The following CAMTA1 variants were observed in gnomAD, a reference collection of about 807,000 sequenced individuals.
The protein encoded by CAMTA1 is calmodulin-binding transcription activator 1.
A neutral mutation model predicts 170.9 loss-of-function variants in CAMTA1; 27 were observed. The observed-to-expected ratio is 0.16, with a 90% CI of 0.12 to 0.22. CAMTA1 has a LOEUF of 0.22. Among genes scored for constraint, CAMTA1 ranks in the 10% least tolerant of loss-of-function variants. The pLI, the probability that CAMTA1 is intolerant of heterozygous loss-of-function variation, is 1.00. For missense variants in CAMTA1, 1,619 were observed against 2,217.2 expected, an observed-to-expected ratio of 0.73 and a Z score of 5.42; for synonymous variants, 833 against 891.5, an observed-to-expected ratio of 0.93 and a Z score of 1.17.
At chr1:7,054,793 G>A (rs1477025838) in intron 3 of CAMTA1, among the ~76,000 whole-genome samples, 2 of 152,150 alleles carry the variant, frequency 1.3e-5, no homozygotes, top group Non-Finnish European at 2.9e-5. Context: ...GTCCACTCTC[G>A]CACTGCTTTA....
chr1:7,714,678 C>T (rs2096596051), intron 11 of CAMTA1, among the ~76,000 whole-genome samples: 1 of 152,114 alleles, frequency 6.6e-6, no homozygotes, highest in Non-Finnish European at 1.5e-5. Flanking sequence ...CGTGTCACCA[C>T]ACCTGGCTAA....
chr1:7,145,381 A>G (rs1646122896), intron 4 of CAMTA1, among the ~76,000 whole-genome samples: 1 of 152,254 alleles, frequency 6.6e-6, no homozygotes, highest in Non-Finnish European at 1.5e-5. Context: ...GTTTAATTCA[A>G]TGTGAGGTTC....
chr1:7,060,821 T>A (rs1308356412), intron 3 of CAMTA1, among the ~76,000 whole-genome samples: 1 of 152,332 alleles, frequency 6.6e-6, no homozygotes, highest in East Asian at 1.9e-4. Flanking sequence ...GGGTTCCAAT[T>A]TCCCAGGAGC....
At chr1:7,003,303 A>C (rs1698513032) in intron 3 of CAMTA1, among the ~76,000 whole-genome samples, 1 of 152,258 alleles carries the variant, frequency 6.6e-6, no homozygotes, top group Non-Finnish European at 1.5e-5. Flanking sequence ...GTGTGCCTTC[A>C]GAATAACATA....
intron 6 of CAMTA1, among the ~76,000 whole-genome samples, chr1:7,478,374 C>T (rs2093457490): frequency 6.6e-6 from 1 of 152,214 alleles, no homozygotes; most frequent in South Asian, 2.1e-4. Context: ...CACTTGTCTC[C>T]TGTGTGCCAC....
At chr1:6,822,706 G>T (rs1411233758) in intron 2 of CAMTA1, among the ~76,000 whole-genome samples, 1 of 151,970 alleles carries the variant, frequency 6.6e-6, no homozygotes, top group African/African-American at 2.4e-5. Flanking sequence ...ATTTACCACT[G>T]CCTGATTTGG....
intron 1 of CAMTA1, among the ~76,000 whole-genome samples, chr1:6,812,162 A>G (rs949581125): frequency 1.3e-5 from 2 of 152,138 alleles, no homozygotes; most frequent in African/African-American, 2.4e-5. Flanking sequence ...GCATTTTTGC[A>G]TTGCTGCTTT....
chr1:7,040,462 C>G (rs1704267701), intron 3 of CAMTA1, among the ~76,000 whole-genome samples: 1 of 152,104 alleles, frequency 6.6e-6, no homozygotes, highest in African/African-American at 2.4e-5. Flanking sequence ...CTTAAATGTG[C>G]TTAGACAATG....
At chr1:7,098,574 G>A (rs1380772780) in intron 4 of CAMTA1, among the ~76,000 whole-genome samples, 1 of 152,230 alleles carries the variant, frequency 6.6e-6, no homozygotes, top group African/African-American at 2.4e-5. Context: ...GTCTGGCGGT[G>A]TCTCGACAGT....
At chr1:7,369,031 T>G (rs845222) in intron 5 of CAMTA1, 96,453 of 152,126 alleles carry the variant, frequency 0.63, 32,275 homozygotes, top group Middle Eastern at 0.76. Context: ...AGGGGAGAGT[T>G]TGGAGGCCGG....
Position 6,918,900 on chromosome 1 carries a change from A to G in CAMTA1, c.234+93690A>G, listed in dbSNP as rs1681398296. Among the ~76,000 whole-genome samples, 1 of 152,188 alleles carries G rather than the reference A, an allele frequency of 6.6e-6. No homozygotes were observed. The highest frequency in any genetic ancestry group is 1.5e-5 in the Non-Finnish European group (1 of 68,044). ...TAGCCGCTCTCATGGCCTCAAATTC[A>G]AGGGTGTGGCCGCTCCAAAGGCACC... is the stretch of plus-strand genomic sequence containing the variant. On this transcript the variant is annotated intron_variant, in intron 3 of 22. Transcript: ENST00000303635. This position sits in a 1 kb window ranked among gnomAD's most constrained non-coding sequence, Gnocchi z 4.0.
intron 6 of CAMTA1, among the ~76,000 whole-genome samples, chr1:7,499,204 T>G (rs146633650): frequency 3.9e-4 from 36 of 91,654 alleles, no homozygotes; most frequent in African/African-American, 6.2e-4. Flanking sequence ...GATGGTGTGA[T>G]CCTGGTGTGC....
In CAMTA1 at chr1:7,097,607, A is replaced by G. The variant is rs190128270; in HGVS notation, c.302+6236A>G. ...AGAGGACTTTTCTAAGGAAGCCCCT[A>G]TTCCTGGTAAGGCTGCTCGAGTGAC... On this transcript the variant is annotated intron_variant, in intron 4 of 22. Transcript: ENST00000303635. 2.0e-5 allele frequency among the ~76,000 whole-genome samples: 3 copies of G among 152,356 alleles called. No individual in the cohort carries two copies. In the East Asian group the frequency reaches 5.8e-4, roughly 29 times the overall value.
chr1:7,732,622 A>G lies in CAMTA1; in HGVS notation c.3066+23A>G. 1 of 1,562,698 alleles carries G rather than the reference A, an allele frequency of 6.4e-7. No homozygotes were observed. Among genetic ancestry groups the G allele is most frequent in the Non-Finnish European group, 8.7e-7 (1 of 1,153,996 alleles). ...CAGGTACGAGGCGGTGCTGATGCTC[A>G]GCTCCCATTTCGCTTCATGTTTATG... On this transcript the variant is annotated intron_variant, in intron 12 of 22. Transcript: ENST00000303635. The surrounding 1 kb of genome is among the most constrained non-coding windows in gnomAD (Gnocchi z 4.1).
chr1:7,637,117 G>A (rs947898245), intron 6 of CAMTA1, among the ~76,000 whole-genome samples: 2 of 152,238 alleles, frequency 1.3e-5, no homozygotes, highest in African/African-American at 4.8e-5. Context: ...TCTCATGCAG[G>A]AACTCCACGG....
chr1:7,505,281 C>T (rs2094084540), intron 6 of CAMTA1, among the ~76,000 whole-genome samples: 1 of 152,250 alleles, frequency 6.6e-6, no homozygotes, highest in Non-Finnish European at 1.5e-5. Flanking sequence ...CACCACATCC[C>T]CGGCAGCCAA....
At chr1:6,958,742 A>G (rs1312509190) in intron 3 of CAMTA1, among the ~76,000 whole-genome samples, 2 of 152,180 alleles carry the variant, frequency 1.3e-5, no homozygotes, top group Non-Finnish European at 2.9e-5. Context: ...CAGGGTGGCC[A>G]CATACAGTAT....
chr1:7,714,469 C>T (rs1378153088), intron 11 of CAMTA1, among the ~76,000 whole-genome samples: 1 of 152,144 alleles, frequency 6.6e-6, no homozygotes, highest in Non-Finnish European at 1.5e-5. Flanking sequence ...TAAACAGTCA[C>T]TTGAAACCTA....
At chr1:6,929,629 C>T (rs1048198789) in intron 3 of CAMTA1, among the ~76,000 whole-genome samples, 2 of 151,932 alleles carry the variant, frequency 1.3e-5, no homozygotes, top group African/African-American at 2.4e-5. Flanking sequence ...TCCCAAAGTG[C>T]TGGGATTACA....
Sources: allele counts gnomAD v4.1 joint callset (sites outside exome capture counted in the v4.1 genomes callset), GRCh38; gene constraint gnomAD v4.1.1; non-coding constraint Gnocchi (gnomAD v3.1); transcripts MANE v1.5; gene names NCBI Gene and HGNC (gene_info 2026-07-23, HGNC 2026-07-21).